Variants in PTPRD observed in about 807,000 individuals in gnomAD.
PTPRD encodes the protein receptor-type tyrosine-protein phosphatase delta.
PTPRD carries 34 observed loss-of-function variants against 214.5 expected under a neutral mutation model. The ratio of observed to expected loss-of-function variants is 0.16; its 90% CI spans 0.12 to 0.21. The LOEUF (loss-of-function observed/expected upper bound fraction) is 0.21. PTPRD is among the 10% of genes least tolerant of loss of function. The pLI is 1.00. For synonymous variants in PTPRD, 1,128 were observed against 845.7 expected (o/e 1.33, Z -5.79); for missense variants, 2,545 against 2,398.7 (o/e 1.06, Z -1.27).
intron 3 of PTPRD, among the ~76,000 whole-genome samples, chr9:10,294,355 A>G (rs1170408665): frequency 6.6e-6 from 1 of 151,968 alleles, no homozygotes; most frequent in Non-Finnish European, 1.5e-5. Flanking sequence ...AAAGGCAAAA[A>G]GATGGGGAAA....
chr9:8,365,817 C>G (rs2079705521), intron 39 of PTPRD, among the ~76,000 whole-genome samples: 1 of 152,160 alleles, frequency 6.6e-6, no homozygotes, highest in South Asian at 2.1e-4. Flanking sequence ...GATGAAAAGC[C>G]TTGGGGAGAA....
intron 11 of PTPRD, among the ~76,000 whole-genome samples, chr9:8,906,990 G>A (rs1481464765): frequency 6.6e-6 from 1 of 152,092 alleles, no homozygotes; most frequent in African/African-American, 2.4e-5. Context: ...CCAGTGGAAA[G>A]TAAAAGTTAG....
chr9:8,853,548 A>T (rs1418473291), intron 11 of PTPRD, among the ~76,000 whole-genome samples: 2 of 152,176 alleles, frequency 1.3e-5, no homozygotes, highest in Admixed American at 1.3e-4. Context: ...TCCCAAACAA[A>T]CCTATCCTTT....
At chr9:10,246,923 A>T (rs1439667823) in intron 3 of PTPRD, among the ~76,000 whole-genome samples, 1 of 151,596 alleles carries the variant, frequency 6.6e-6, no homozygotes, top group African/African-American at 2.4e-5. Context: ...CAATAAATAT[A>T]AAATAAATAA....
At chr9:9,586,494 C>T (rs1310756478) in intron 7 of PTPRD, among the ~76,000 whole-genome samples, 2 of 151,944 alleles carry the variant, frequency 1.3e-5, no homozygotes, top group African/African-American at 4.8e-5. Flanking sequence ...ATTGCTTCTT[C>T]TGTCAGTTGT....
At chr9:8,937,542 T>C (rs1000195152) in intron 11 of PTPRD, among the ~76,000 whole-genome samples, 33 of 152,202 alleles carry the variant, frequency 2.2e-4, no homozygotes, top group African/African-American at 8.0e-4. Flanking sequence ...CCCCGCAGTC[T>C]AGCATTTTAG....
At chr9:8,503,341 G>C (rs769046648) in intron 23 of PTPRD, among the ~76,000 whole-genome samples, 1 of 152,050 alleles carries the variant, frequency 6.6e-6, no homozygotes, top group Non-Finnish European at 1.5e-5. Flanking sequence ...TTCTACTACA[G>C]ATATCTATTG....
intron 3 of PTPRD, among the ~76,000 whole-genome samples, chr9:10,068,392 A>C (rs1273947832): frequency 2.0e-5 from 3 of 151,926 alleles, no homozygotes; most frequent in Non-Finnish European, 2.9e-5. Context: ...TATTTTATAT[A>C]TAAAAATGTG....
At chr9:9,955,654 G>C (rs952000003) in intron 4 of PTPRD, among the ~76,000 whole-genome samples, 1 of 151,826 alleles carries the variant, frequency 6.6e-6, no homozygotes, top group Non-Finnish European at 1.5e-5. Context: ...CTCCCAAGTA[G>C]CTGGGACTAC....
At chr9:9,449,317 A>G (rs1200227073) in intron 8 of PTPRD, among the ~76,000 whole-genome samples, 1 of 152,124 alleles carries the variant, frequency 6.6e-6, no homozygotes, top group African/African-American at 2.4e-5. Context: ...AGATTATCTC[A>G]AACATTATTA....
At chr9:9,491,841 G>C (rs1383591646) in intron 8 of PTPRD, among the ~76,000 whole-genome samples, 2 of 151,788 alleles carry the variant, frequency 1.3e-5, no homozygotes, top group Non-Finnish European at 2.9e-5. Context: ...CAACTAATTA[G>C]AAAAAGAAGA....
At chr9:8,879,885 A>T (rs1566796596) in intron 11 of PTPRD, among the ~76,000 whole-genome samples, 1 of 152,306 alleles carries the variant, frequency 6.6e-6, no homozygotes, top group South Asian at 2.1e-4. Flanking sequence ...GTACACTAAA[A>T]TGTGTAAGGA....
chr9:9,828,153 A>C (rs528640500), intron 5 of PTPRD, among the ~76,000 whole-genome samples: 1 of 151,974 alleles, frequency 6.6e-6, no homozygotes, highest in Non-Finnish European at 1.5e-5. Context: ...CCCATTACTG[A>C]GTATATACCC....
rs1017734675 is a variant in PTPRD at position 9,942,366 on chromosome 9, A to G, written c.-471-3756T>C. ...ATTATTTTCAGCTTTATGTTTTTCTATTTTACTGATATACCATAATTTAAC... is the reference window on the plus strand; with the variant it reads ...ATTATTTTCAGCTTTATGTTTTTCTGTTTTACTGATATACCATAATTTAAC... On this transcript the variant is annotated intron_variant, in intron 4 of 45. Coordinates refer to ENST00000381196, the MANE Select transcript of PTPRD (RefSeq NM_002839.4). Among the ~76,000 whole-genome samples the G allele has an allele frequency of 2.6e-5, 4 of 152,100 alleles. No homozygotes were observed. The South Asian group carries it at 8.3e-4, about 32-fold the overall frequency.
intron 14 of PTPRD, among the ~76,000 whole-genome samples, chr9:8,543,515 C>A (rs2079027790): frequency 6.6e-6 from 1 of 152,100 alleles, no homozygotes; most frequent in Non-Finnish European, 1.5e-5. Flanking sequence ...GCCACTGATC[C>A]CTAATATAAC....
At chr9:9,074,396 G>T (rs549312298) in intron 10 of PTPRD, among the ~76,000 whole-genome samples, 2 of 152,038 alleles carry the variant, frequency 1.3e-5, no homozygotes, top group African/African-American at 4.8e-5. Context: ...CGCAAATTTT[G>T]GTGGAACACT....
chr9:9,540,767 T>G (rs936928535), intron 8 of PTPRD, among the ~76,000 whole-genome samples: 2 of 151,820 alleles, frequency 1.3e-5, no homozygotes, highest in Non-Finnish European at 2.9e-5. Flanking sequence ...GTGCCACCAG[T>G]AAATGAAATC....
intron 7 of PTPRD, among the ~76,000 whole-genome samples, chr9:9,726,960 A>T (rs2098105451): frequency 1.3e-5 from 2 of 152,172 alleles, no homozygotes; most frequent in Non-Finnish European, 1.5e-5. Flanking sequence ...ACAAACAGAG[A>T]ATAATAAGCA....
At chr9:9,392,924 T>A (rs942681109) in intron 9 of PTPRD, among the ~76,000 whole-genome samples, 14 of 152,144 alleles carry the variant, frequency 9.2e-5, no homozygotes, top group Admixed American at 7.9e-4. Context: ...GGAGAACCTC[T>A]GACCAACCTG....
Sources: allele counts gnomAD v4.1 joint callset (sites outside exome capture counted in the v4.1 genomes callset), GRCh38; gene constraint gnomAD v4.1.1; transcripts MANE v1.5; gene names NCBI Gene and HGNC (gene_info 2026-07-23, HGNC 2026-07-21).